The following SNTG1 variants were observed in gnomAD, a reference collection of about 807,000 sequenced individuals.
SNTG1 encodes gamma-1-syntrophin.
A neutral mutation model predicts 74.7 loss-of-function variants in SNTG1; 39 were observed. That is an observed-to-expected ratio of 0.52 (90% confidence interval 0.40 to 0.68). SNTG1 has a LOEUF of 0.68. SNTG1 is among the 30% of genes least tolerant of loss of function. The pLI is 0.00. For missense variants in SNTG1, 685 were observed against 609.5 expected, an observed-to-expected ratio of 1.12 and a Z score of -1.30; for synonymous variants, 254 against 217.1, an observed-to-expected ratio of 1.17 and a Z score of -1.49.
At chr8:50,264,296 A>C (rs1021837533) in intron 2 of SNTG1, among the ~76,000 whole-genome samples, 1 of 152,130 alleles carries the variant, frequency 6.6e-6, no homozygotes, top group Admixed American at 6.6e-5. Flanking sequence ...CACTGGGTGC[A>C]GTGGCTGATG....
At chr8:50,488,009 T>G (rs897162967) in intron 8 of SNTG1, among the ~76,000 whole-genome samples, 8 of 152,210 alleles carry the variant, frequency 5.3e-5, no homozygotes, top group African/African-American at 1.9e-4. Context: ...AAAGAAAATA[T>G]ACACAAGTAA....
At chr8:50,438,014 A>G (rs1018713335) in intron 4 of SNTG1, among the ~76,000 whole-genome samples, 18 of 152,198 alleles carry the variant, frequency 1.2e-4, no homozygotes, top group African/African-American at 4.3e-4. Context: ...TGAACAAGCA[A>G]TTAGTTTATT....
Position 50,091,366 on chromosome 8 carries a change from A to G in SNTG1, c.-102-81195A>G, listed in dbSNP as rs2079730228. On this transcript the variant is annotated intron_variant, in intron 1 of 18. Coordinates refer to ENST00000642720, the MANE Select transcript of SNTG1 (RefSeq NM_018967.5). ...TTCCAGTATATAATACAGTATTACT[A>G]ATCATAGTCACCATTCTGTACATTA... is the stretch of plus-strand genomic sequence containing the variant. Among the ~76,000 whole-genome samples, 5 of 152,174 alleles carry G rather than the reference A, an allele frequency of 3.3e-5. No homozygotes were observed. The South Asian group carries it at 1.0e-3, about 32-fold the overall frequency.
intron 17 of SNTG1, among the ~76,000 whole-genome samples, chr8:50,717,001 G>A (rs1181959280): frequency 6.6e-6 from 1 of 152,058 alleles, no homozygotes; most frequent in Admixed American, 6.5e-5. Context: ...CTCCCAAAAT[G>A]CTGGGATTAC....
chr8:50,190,201 GA>G (rs1205483652), intron 2 of SNTG1, among the ~76,000 whole-genome samples: 1 of 152,114 alleles, frequency 6.6e-6, no homozygotes, highest in Admixed American at 6.6e-5. Context: ...TCTTCTCAGA[GA>G]AAGGCCAGCA....
At chr8:50,160,438 C>G (rs1266284177) in intron 1 of SNTG1, among the ~76,000 whole-genome samples, 1 of 152,128 alleles carries the variant, frequency 6.6e-6, no homozygotes, top group African/African-American at 2.4e-5. Flanking sequence ...GAAAACCTCT[C>G]AGTTTTCTTA....
intron 1 of SNTG1, among the ~76,000 whole-genome samples, chr8:49,986,142 A>C (rs1314896440): frequency 6.6e-6 from 1 of 152,222 alleles, no homozygotes; most frequent in Non-Finnish European, 1.5e-5. Flanking sequence ...CTATCGAGGT[A>C]AGTTTCTGGC....
At chr8:50,003,992 C>G (rs318914) in intron 1 of SNTG1, among the ~76,000 whole-genome samples, 6,419 of 152,190 alleles carry the variant, frequency 0.042, 474 homozygotes, top group African/African-American at 0.15. Context: ...AGGGCTTTTA[C>G]TCCTGTTTTG....
rs534129571 is a variant in SNTG1, at chr8:50,571,785, A to T, written c.810+18606A>T. Among the ~76,000 whole-genome samples the T allele has an allele frequency of 4.6e-5, 7 of 152,312 alleles. No homozygotes were observed. In the South Asian group the frequency reaches 1.4e-3, roughly 32 times the overall value. On this transcript the variant is annotated intron_variant, in intron 12 of 18. Transcript: ENST00000642720. ...GCTCTCACCTCCTACCAGGCATAGG[A>T]GTAAAGAGGTGTAAGTGAATTGTGT...
intron 1 of SNTG1, among the ~76,000 whole-genome samples, chr8:49,936,486 C>G (rs1319760977): frequency 6.6e-6 from 1 of 151,972 alleles, no homozygotes; most frequent in African/African-American, 2.4e-5. Flanking sequence ...CAAATTGGTT[C>G]AAATAAAGTA....
chr8:50,782,771 G>A (rs1430425754), intron 18 of SNTG1, among the ~76,000 whole-genome samples: 2 of 152,184 alleles, frequency 1.3e-5, no homozygotes, highest in African/African-American at 2.4e-5. Context: ...TTTGGAGGAA[G>A]AGAGGTGCTC....
intron 13 of SNTG1, among the ~76,000 whole-genome samples, chr8:50,626,343 G>A (rs2094956028): frequency 6.6e-6 from 1 of 152,150 alleles, no homozygotes; most frequent in Non-Finnish European, 1.5e-5. Context: ...TGAGAAACTA[G>A]ATACAATGTG....
intron 8 of SNTG1, among the ~76,000 whole-genome samples, chr8:50,485,149 A>C (rs2093779655): frequency 6.6e-6 from 1 of 152,164 alleles, no homozygotes; most frequent in Non-Finnish European, 1.5e-5. Flanking sequence ...CTGAGATATG[A>C]CCAAGAGGGC....
intron 1 of SNTG1, among the ~76,000 whole-genome samples, chr8:50,114,940 T>A (rs541507264): frequency 6.6e-6 from 1 of 152,252 alleles, no homozygotes; most frequent in Admixed American, 6.5e-5. Flanking sequence ...ATTAGTTTGA[T>A]TGTGATTATT....
chr8:50,756,214 C>T lies in SNTG1; in HGVS notation c.1395+4103C>T, dbSNP rs200774488. On this transcript the variant is annotated intron_variant, in intron 18 of 18. Transcript: ENST00000642720. ...CCAATCTGCAGTGTGTCTTTTTGCT[C>T]TCTTGAGAATGTCTTTCATAGAGCA... 3.3e-5 allele frequency among the ~76,000 whole-genome samples: 5 copies of T among 151,872 alleles called. No individual in the cohort carries two copies. The East Asian group carries it at 9.8e-4, about 30-fold the overall frequency.
intron 2 of SNTG1, among the ~76,000 whole-genome samples, chr8:50,288,598 A>G (rs1357879887): frequency 6.6e-6 from 1 of 152,140 alleles, no homozygotes; most frequent in African/African-American, 2.4e-5. Flanking sequence ...ACTTTTGACA[A>G]CTCAACTCTC....
intron 13 of SNTG1, 25 bp from the exon 14 acceptor site, chr8:50,656,884 T>C: frequency 3.4e-6 from 5 of 1,470,836 alleles, no homozygotes; most frequent in Non-Finnish European, 4.7e-6. Flanking sequence ...GTTTTGACAG[T>C]TGATTGTATT....
intron 9 of SNTG1, among the ~76,000 whole-genome samples, chr8:50,527,788 T>G (rs1230255324): frequency 6.6e-6 from 1 of 152,016 alleles, no homozygotes; most frequent in Non-Finnish European, 1.5e-5. Context: ...TGAATGGAAC[T>G]AAATTAAATT....
intron 15 of SNTG1, among the ~76,000 whole-genome samples, chr8:50,660,447 A>G (rs2095216435): frequency 6.7e-6 from 1 of 149,614 alleles, no homozygotes; most frequent in African/African-American, 2.5e-5. Context: ...GAAAGAGAAA[A>G]AAGAAAGGGA....
Sources: allele counts gnomAD v4.1 joint callset (sites outside exome capture counted in the v4.1 genomes callset), GRCh38; gene constraint gnomAD v4.1.1; transcripts MANE v1.5; gene names NCBI Gene and HGNC (gene_info 2026-07-23, HGNC 2026-07-21).